The following LRRTM4 variants were observed in gnomAD, a reference collection of about 807,000 sequenced individuals.
LRRTM4 encodes leucine rich repeat transmembrane neuronal 4.
In LRRTM4, 25 loss-of-function variants were observed where a neutral mutation model predicts 47.6. The ratio of observed to expected loss-of-function variants is 0.53; its 90% CI spans 0.38 to 0.73. The LOEUF (loss-of-function observed/expected upper bound fraction) is 0.73, where lower values mean the gene tolerates loss of function less well. Ranked by LOEUF, LRRTM4 falls within the 30% of genes least tolerant of loss-of-function variation. LRRTM4 has a pLI of 0.00. For missense variants in LRRTM4, 638 were observed against 713.4 expected, an observed-to-expected ratio of 0.89 and a Z score of 1.20; for synonymous variants, 311 against 269.5, an observed-to-expected ratio of 1.15 and a Z score of -1.51.
chr2:76,829,446 T>C (rs933016904), intron 3 of LRRTM4, among the ~76,000 whole-genome samples: 6 of 151,958 alleles, frequency 3.9e-5, no homozygotes, highest in African/African-American at 1.4e-4. Context: ...TTGATCATTT[T>C]ATTTCATGGA....
At chr2:76,949,291 T>G (rs1675424987) in intron 3 of LRRTM4, among the ~76,000 whole-genome samples, 1 of 151,880 alleles carries the variant, frequency 6.6e-6, no homozygotes. Context: ...CTCTTTCACA[T>G]GGGATACGTG....
chr2:77,203,784 T>C (rs1674046136), intron 3 of LRRTM4, among the ~76,000 whole-genome samples: 1 of 152,198 alleles, frequency 6.6e-6, no homozygotes, highest in Non-Finnish European at 1.5e-5. Context: ...CACCTCTGTG[T>C]CAAGAAACTT....
At chr2:76,810,185 A>C (rs1006632119) in intron 3 of LRRTM4, among the ~76,000 whole-genome samples, 3 of 152,332 alleles carry the variant, frequency 2.0e-5, no homozygotes, top group Non-Finnish European at 2.9e-5. Context: ...CTCACTCACT[A>C]ACTGATGAAC....
At chr2:76,816,040 A>G (rs908043551) in intron 3 of LRRTM4, among the ~76,000 whole-genome samples, 3 of 151,938 alleles carry the variant, frequency 2.0e-5, no homozygotes, top group Admixed American at 6.6e-5. Flanking sequence ...TCTCTATTTA[A>G]TCCTCCCAGA....
intron 3 of LRRTM4, among the ~76,000 whole-genome samples, chr2:76,756,097 G>T (rs753431078): frequency 3.9e-5 from 6 of 152,168 alleles, no homozygotes; most frequent in African/African-American, 7.2e-5. Flanking sequence ...CACCCCTACA[G>T]ATCATTTTGA....
chr2:77,313,834 T>A (rs2104206348), intron 3 of LRRTM4, among the ~76,000 whole-genome samples: 1 of 152,294 alleles, frequency 6.6e-6, no homozygotes. Flanking sequence ...CCCATTGTCA[T>A]TCAAATTCCT....
chr2:76,908,389 C>G (rs1484026453), intron 3 of LRRTM4, among the ~76,000 whole-genome samples: 14 of 151,934 alleles, frequency 9.2e-5, no homozygotes, highest in Non-Finnish European at 1.9e-4. Flanking sequence ...CAATATCATA[C>G]TGAATGGGCA....
At chr2:76,885,308 A>T (rs1321691491) in intron 3 of LRRTM4, among the ~76,000 whole-genome samples, 1 of 152,062 alleles carries the variant, frequency 6.6e-6, no homozygotes, top group Non-Finnish European at 1.5e-5. Flanking sequence ...ATTAGACTGT[A>T]AACTGAAAGA....
chr2:76,807,250 G>A (rs1161084155), intron 3 of LRRTM4, among the ~76,000 whole-genome samples: 1 of 151,524 alleles, frequency 6.6e-6, no homozygotes, highest in East Asian at 1.9e-4. Flanking sequence ...ATTTTCAACT[G>A]CAAGGACAAG....
intron 3 of LRRTM4, among the ~76,000 whole-genome samples, chr2:77,224,846 C>T (rs939748783): frequency 6.6e-5 from 10 of 152,082 alleles, no homozygotes; most frequent in African/African-American, 2.4e-4. Flanking sequence ...CCATTTGACC[C>T]AGCCATCCCA....
chr2:77,233,945 C>T (rs2103975767), intron 3 of LRRTM4, among the ~76,000 whole-genome samples: 1 of 152,140 alleles, frequency 6.6e-6, no homozygotes, highest in Admixed American at 6.5e-5. Context: ...TTACAGGCAC[C>T]CACCATCATG....
At chr2:77,462,095 G>A (rs1676811491) in intron 3 of LRRTM4, among the ~76,000 whole-genome samples, 1 of 152,126 alleles carries the variant, frequency 6.6e-6, no homozygotes, top group South Asian at 2.1e-4. Context: ...TCTTCAGAAA[G>A]TCTGACTTAA....
intron 3 of LRRTM4, among the ~76,000 whole-genome samples, chr2:77,455,785 T>G (rs776264554): frequency 6.6e-6 from 1 of 152,088 alleles, no homozygotes; most frequent in Admixed American, 6.6e-5. Context: ...GCCTTCTACA[T>G]GCATAGATGT....
intron 3 of LRRTM4, among the ~76,000 whole-genome samples, chr2:76,904,152 C>A (rs1326155593): frequency 1.3e-5 from 2 of 152,192 alleles, no homozygotes; most frequent in Non-Finnish European, 2.9e-5. Flanking sequence ...ATAATTGAGA[C>A]TCAGACATAA....
intron 3 of LRRTM4, among the ~76,000 whole-genome samples, chr2:77,481,920 A>G (rs1451948620): frequency 6.6e-6 from 1 of 151,096 alleles, no homozygotes; most frequent in East Asian, 2.0e-4. Context: ...TTAGGACCTG[A>G]CACCAAGCAT....
intron 3 of LRRTM4, among the ~76,000 whole-genome samples, chr2:77,245,954 T>C (rs12992638): frequency 0.42 from 63,596 of 152,030 alleles, 15,546 homozygotes; most frequent in Non-Finnish European, 0.53. Flanking sequence ...TCTACATTAG[T>C]CAATCACATA....
chr2:76,833,902 C>T (rs956022126), intron 3 of LRRTM4, among the ~76,000 whole-genome samples: 1 of 151,566 alleles, frequency 6.6e-6, no homozygotes, highest in Non-Finnish European at 1.5e-5. Flanking sequence ...TAACTTTTCC[C>T]TTTTCCCTAA....
intron 3 of LRRTM4, among the ~76,000 whole-genome samples, chr2:77,164,647 G>A (rs1452301975): frequency 6.6e-6 from 1 of 152,102 alleles, no homozygotes; most frequent in East Asian, 1.9e-4. Context: ...CTAGAACTCA[G>A]GATTAAGAAA....
At chr2:76,834,431 A>G (rs965177682) in intron 3 of LRRTM4, among the ~76,000 whole-genome samples, 2 of 151,878 alleles carry the variant, frequency 1.3e-5, no homozygotes, top group Non-Finnish European at 2.9e-5. Flanking sequence ...GATATACGTT[A>G]CTCTAAATTA....
Sources: allele counts gnomAD v4.1 joint callset (sites outside exome capture counted in the v4.1 genomes callset), GRCh38; gene constraint gnomAD v4.1.1; transcripts MANE v1.5; gene names NCBI Gene and HGNC (gene_info 2026-07-23, HGNC 2026-07-21).